SLC4A10: variants seen among roughly 807,000 people sequenced by gnomAD.
SLC4A10 encodes sodium-driven chloride bicarbonate exchanger.
SLC4A10 carries 42 observed loss-of-function variants against 137.7 expected under a neutral mutation model. That is an observed-to-expected ratio of 0.30 (90% confidence interval 0.24 to 0.39). The LOEUF is 0.39. SLC4A10 is among the 10% of genes least tolerant of loss of function. The pLI is 1.00. For synonymous variants in SLC4A10, 474 were observed against 464.1 expected (o/e 1.02, Z -0.27); for missense variants, 925 against 1,355.0 (o/e 0.68, Z 4.98).
chr2:161,754,270 T>C (rs1022661889), intron 1 of SLC4A10, among the ~76,000 whole-genome samples: 3 of 152,140 alleles, frequency 2.0e-5, no homozygotes. Context: ...GACTATTAAA[T>C]GGCCTGTAAA....
At chr2:161,847,433 A>G (rs2059575107) in intron 4 of SLC4A10, among the ~76,000 whole-genome samples, 1 of 151,726 alleles carries the variant, frequency 6.6e-6, no homozygotes, top group Non-Finnish European at 1.5e-5. Context: ...TGGTGTACAG[A>G]TAATTTTGTC....
intron 2 of SLC4A10, among the ~76,000 whole-genome samples, chr2:161,790,913 T>A (rs1263427096): frequency 2.0e-5 from 3 of 152,054 alleles, no homozygotes; most frequent in African/African-American, 7.2e-5. Context: ...AAAACCTCAA[T>A]AAGATATCAT....
At chr2:161,831,727 G>A (rs549177829) in intron 3 of SLC4A10, among the ~76,000 whole-genome samples, 2 of 152,174 alleles carry the variant, frequency 1.3e-5, no homozygotes, top group East Asian at 3.9e-4. Context: ...CCCCCTCAAA[G>A]AATGCGTTGA....
At chr2:161,636,634 A>G (rs2034437768) in intron 1 of SLC4A10, among the ~76,000 whole-genome samples, 1 of 151,918 alleles carries the variant, frequency 6.6e-6, no homozygotes, top group Non-Finnish European at 1.5e-5. Context: ...TCCTGACCTT[A>G]GGTGTTCCAC....
At chr2:161,784,205 T>G (rs533201074) in intron 2 of SLC4A10, among the ~76,000 whole-genome samples, 3 of 151,902 alleles carry the variant, frequency 2.0e-5, no homozygotes, top group Non-Finnish European at 4.4e-5. Context: ...TAAGTAGTTA[T>G]GCACCCAACA....
intron 1 of SLC4A10, among the ~76,000 whole-genome samples, chr2:161,686,916 T>C (rs1015405980): frequency 6.6e-6 from 1 of 151,486 alleles, no homozygotes. Context: ...GGAGTCTTGC[T>C]CTGTTGCCCA....
chr2:161,665,941 T>G lies in SLC4A10; in HGVS notation c.48+41375T>G, dbSNP rs924020683. ...AACCCTATATATAGACTACATTATA[T>G]ATATATATAATATATAAAGACTATA... is the stretch of plus-strand genomic sequence containing the variant. On this transcript the variant is annotated intron_variant, in intron 1 of 26. Coordinates refer to ENST00000446997, the MANE Select transcript of SLC4A10 (RefSeq NM_001178015.2). 4.0e-5 allele frequency among the ~76,000 whole-genome samples: 6 copies of G among 148,172 alleles called. No individual in the cohort carries two copies. The Admixed American group carries it at 4.1e-4, about 10-fold the overall frequency.
intron 2 of SLC4A10, among the ~76,000 whole-genome samples, chr2:161,793,371 T>C (rs2125545296): frequency 6.6e-6 from 1 of 152,260 alleles, no homozygotes; most frequent in East Asian, 1.9e-4. Flanking sequence ...TGCTGTACAA[T>C]AGATCTCTTG....
chr2:161,970,303 A>G (rs931959197), intron 23 of SLC4A10, among the ~76,000 whole-genome samples: 1 of 151,738 alleles, frequency 6.6e-6, no homozygotes, highest in Non-Finnish European at 1.5e-5. Context: ...TTCCTTTTCC[A>G]CTCTCATTGT....
chr2:161,851,252 C>T (rs759184733), intron 4 of SLC4A10, among the ~76,000 whole-genome samples: 9 of 152,048 alleles, frequency 5.9e-5, no homozygotes, highest in Non-Finnish European at 8.8e-5. Context: ...AAGTTTAGGT[C>T]CCAAATATCT....
intron 1 of SLC4A10, among the ~76,000 whole-genome samples, chr2:161,645,612 T>C (rs949052473): frequency 6.6e-6 from 1 of 152,090 alleles, no homozygotes; most frequent in Non-Finnish European, 1.5e-5. Context: ...AGAGTTCACC[T>C]TTGGTTATTT....
At chr2:161,854,896 C>A in intron 4 of SLC4A10, 74 bp from the exon 5 acceptor site, 2 of 1,378,532 alleles carry the variant, frequency 1.5e-6, no homozygotes, top group Non-Finnish European at 1.9e-6. Context: ...CTATTTCAAC[C>A]TTTTATTTTT....
At chr2:161,852,602 CA>C (rs2059892730) in intron 4 of SLC4A10, among the ~76,000 whole-genome samples, 1 of 152,100 alleles carries the variant, frequency 6.6e-6, no homozygotes, top group South Asian at 2.1e-4. Context: ...GAACATTTTG[CA>C]ACTTAAGATT....
chr2:161,859,029 C>T (rs1169827525), intron 5 of SLC4A10, among the ~76,000 whole-genome samples: 2 of 152,112 alleles, frequency 1.3e-5, no homozygotes, highest in Non-Finnish European at 2.9e-5. Context: ...GGCAACCAAA[C>T]CACAGAATTT....
At chr2:161,688,379 A>C (rs2041653646) in intron 1 of SLC4A10, among the ~76,000 whole-genome samples, 1 of 152,304 alleles carries the variant, frequency 6.6e-6, no homozygotes, top group Middle Eastern at 3.4e-3. Flanking sequence ...GTGTAGAATA[A>C]TTAATATTTT....
Position 161,964,290 on chromosome 2 carries a change from T to C in SLC4A10, c.3018T>C (p.Ala1006=). Residue 1006 remains alanine, a synonymous_variant, in exon 22 of 27, where the codon GCT becomes GCC. Coordinates refer to ENST00000446997, the MANE Select transcript of SLC4A10 (RefSeq NM_001178015.2). ...LLWIIKVSRA[A]IVFPMMVLAL... Reference sequence around the variant, plus strand: ...GGATAATAAAAGTTTCAAGAGCTGCTATTGTCTTTCCCATGATGGTATGAA... The same window carrying C: ...GGATAATAAAAGTTTCAAGAGCTGCCATTGTCTTTCCCATGATGGTATGAA... 6.2e-7 allele frequency: 1 copy of C among 1,613,502 alleles called. No homozygotes were observed. The highest frequency in any genetic ancestry group is 8.5e-7 in the Non-Finnish European group (1 of 1,179,594).
chr2:161,719,129 C>A (rs1349389973), intron 1 of SLC4A10, among the ~76,000 whole-genome samples: 1 of 152,038 alleles, frequency 6.6e-6, no homozygotes, highest in African/African-American at 2.4e-5. Context: ...GTTCAGTTCC[C>A]ACCTATGAGT....
intron 15 of SLC4A10, among the ~76,000 whole-genome samples, chr2:161,921,038 A>G (rs751544832): frequency 7.9e-5 from 12 of 152,218 alleles, no homozygotes; most frequent in Non-Finnish European, 1.3e-4. Flanking sequence ...ATACACAGTT[A>G]AATAATTGCA....
At position 161,799,184 on chromosome 2, in the gene SLC4A10, A is replaced by G. The variant is rs73019296; in HGVS notation, c.131-5265A>G. Among the ~76,000 whole-genome samples, 978 of 151,896 alleles carry G rather than the reference A, an allele frequency of 6.4e-3. 12 individuals carry two copies. Among genetic ancestry groups the G allele is most frequent in the African/African-American group, 0.022 (928 of 41,512 alleles). On this transcript the variant is annotated intron_variant, in intron 2 of 26. Coordinates refer to ENST00000446997, the MANE Select transcript of SLC4A10 (RefSeq NM_001178015.2). ...CATTTTATGAATTTAAGAAATGTCC[A>G]CTTGAAAGGACTCGCTCCTTTAATT...
Sources: gnomAD v4.1 joint callset for allele counts (sites outside exome capture counted in the v4.1 genomes callset) on GRCh38, gnomAD v4.1.1 for gene constraint, MANE v1.5 for transcripts, NCBI Gene and HGNC (gene_info 2026-07-23, HGNC 2026-07-21) for gene names.